FSTL4: variants seen among roughly 807,000 people sequenced by gnomAD.
FSTL4 encodes the protein follistatin-related protein 4.
FSTL4 carries 28 observed loss-of-function variants against 78.2 expected under a neutral mutation model. The observed-to-expected ratio is 0.36, with a 90% CI of 0.27 to 0.49. FSTL4 has a LOEUF of 0.49. Among genes scored for constraint, FSTL4 ranks in the 20% least tolerant of loss-of-function variants. FSTL4 has a pLI of 0.98. For missense variants in FSTL4, 922 were observed against 1,084.9 expected (o/e 0.85, Z 2.11); for synonymous variants, 422 against 440.5 (o/e 0.96, Z 0.53).
chr5:133,223,154 C>T (rs974006569), intron 11 of FSTL4, among the ~76,000 whole-genome samples: 2 of 152,218 alleles, frequency 1.3e-5, no homozygotes, highest in Non-Finnish European at 2.9e-5. Flanking sequence ...GACTGTGCAT[C>T]TCAGCCTAGA....
At chr5:133,477,936 A>G (rs1371061591) in intron 3 of FSTL4, among the ~76,000 whole-genome samples, 1 of 152,198 alleles carries the variant, frequency 6.6e-6, no homozygotes, top group Non-Finnish European at 1.5e-5. Context: ...CAATTACTGG[A>G]AAGTTCCCAT....
rs530948999 is a variant in FSTL4 at position 133,465,422 on chromosome 5, C to T, written c.161-64436G>A. Among the ~76,000 whole-genome samples the T allele has an allele frequency of 5.3e-5, 8 of 152,332 alleles. No individual in the cohort carries two copies. In the South Asian group the frequency reaches 1.0e-3, roughly 20 times the overall value. On this transcript the variant is annotated intron_variant, in intron 3 of 15. Coordinates refer to ENST00000265342, the MANE Select transcript of FSTL4 (RefSeq NM_015082.2). ...CTGTCTTGTATTATCTTGTTACTTT[C>T]CCCCCAAATAGAGAATAAGCTTCCT...
chr5:133,238,646 C>G (rs540048025), intron 7 of FSTL4, among the ~76,000 whole-genome samples: 1 of 152,324 alleles, frequency 6.6e-6, no homozygotes, highest in Non-Finnish European at 1.5e-5. Flanking sequence ...AGTGTGCACA[C>G]ATGGGGGAGG....
intron 3 of FSTL4, among the ~76,000 whole-genome samples, chr5:133,411,341 G>A (rs1217137449): frequency 6.6e-6 from 1 of 152,148 alleles, no homozygotes; most frequent in African/African-American, 2.4e-5. Context: ...CACAAAGAAG[G>A]CTTTTGGGGG....
the FSTL4 span, among the ~76,000 whole-genome samples, chr5:133,793,653 G>C: frequency 1.3e-5 from 2 of 152,204 alleles, no homozygotes; most frequent in African/African-American, 4.8e-5. Flanking sequence ...CACAGCAGCT[G>C]CTTAAGCAAA....
At chr5:133,270,907 A>G (rs1223834386) in intron 6 of FSTL4, among the ~76,000 whole-genome samples, 1 of 152,234 alleles carries the variant, frequency 6.6e-6, no homozygotes, top group Non-Finnish European at 1.5e-5. Context: ...ATAACTCACA[A>G]TGGGCCTCAG....
chr5:133,781,850 G>A, the FSTL4 span, among the ~76,000 whole-genome samples: 1 of 152,146 alleles, frequency 6.6e-6, no homozygotes, highest in Non-Finnish European at 1.5e-5. Flanking sequence ...GATTATCTGA[G>A]GCTATTGATA....
At chr5:133,233,185 ATGGCACTTGGATT>A (rs1751546034) in intron 8 of FSTL4, among the ~76,000 whole-genome samples, 1 of 152,250 alleles carries the variant, frequency 6.6e-6, no homozygotes, top group African/African-American at 2.4e-5. Flanking sequence ...GGCTCACGCC[ATGGCACTTGGATT>A]TGTTTCACCT....
At chr5:133,504,148 T>A (rs549660597) in intron 3 of FSTL4, among the ~76,000 whole-genome samples, 1 of 152,154 alleles carries the variant, frequency 6.6e-6, no homozygotes, top group South Asian at 2.1e-4. Flanking sequence ...CAATTCAAGA[T>A]GAGATTTGGG....
At chr5:133,694,962 C>T in the FSTL4 span, among the ~76,000 whole-genome samples, 11 of 152,252 alleles carry the variant, frequency 7.2e-5, no homozygotes, top group Middle Eastern at 6.8e-3. Flanking sequence ...GGGGTTAGGG[C>T]TTCAACATAC....
At chr5:133,666,918 T>A in the FSTL4 span, among the ~76,000 whole-genome samples, 1 of 152,240 alleles carries the variant, frequency 6.6e-6, no homozygotes, top group Non-Finnish European at 1.5e-5. Flanking sequence ...CTGAATTATA[T>A]TTTAGTCTAG....
the FSTL4 span, among the ~76,000 whole-genome samples, chr5:133,778,952 G>T: frequency 6.6e-6 from 1 of 152,212 alleles, no homozygotes; most frequent in East Asian, 1.9e-4. Flanking sequence ...TGGTAAAAAG[G>T]CACCAACAAG....
chr5:133,205,134 G>GTAGTC (rs2126764017), intron 14 of FSTL4, among the ~76,000 whole-genome samples: 1 of 152,294 alleles, frequency 6.6e-6, no homozygotes, highest in East Asian at 1.9e-4. Context: ...TTTTGGAGAA[G>GTAGTC]TAGTCTTTAT....
chr5:133,660,139 T>G, the FSTL4 span, among the ~76,000 whole-genome samples: 9 of 152,226 alleles, frequency 5.9e-5, no homozygotes, highest in African/African-American at 2.2e-4. Flanking sequence ...TTCTTTTGGT[T>G]GGGAAAACAT....
intron 14 of FSTL4, among the ~76,000 whole-genome samples, chr5:133,205,578 T>TA (rs1015698165): frequency 5.3e-5 from 8 of 152,296 alleles, no homozygotes; most frequent in Non-Finnish European, 1.0e-4. Flanking sequence ...TTTATTCCTT[T>TA]AAAAAAATCA....
chr5:133,392,985 G>A (rs547601854), intron 4 of FSTL4, among the ~76,000 whole-genome samples: 6 of 152,288 alleles, frequency 3.9e-5, no homozygotes, highest in East Asian at 3.9e-4. Flanking sequence ...GCACATTTGC[G>A]GGGTGCTCAC....
At chr5:133,813,098 A>G in the FSTL4 span, among the ~76,000 whole-genome samples, 1 of 152,212 alleles carries the variant, frequency 6.6e-6, no homozygotes, top group Admixed American at 6.5e-5. Flanking sequence ...CCACATGCCC[A>G]CACTCATCTC....
rs192079760 is a variant in FSTL4 at position 133,481,235 on chromosome 5, A to T, written c.161-80249T>A. Among the ~76,000 whole-genome samples, 240 of 152,250 alleles carry T rather than the reference A, an allele frequency of 1.6e-3. 3 individuals are homozygous for T. Among genetic ancestry groups the T allele is most frequent in the South Asian group, 1.9e-3 (9 of 4,822 alleles). ...ATTGCAAGTTTTATTTCTGAGACTG[A>T]TCATTCAAGAGCTATCAAGCATTGG... On this transcript the variant is annotated intron_variant, in intron 3 of 15. Coordinates refer to ENST00000265342, the MANE Select transcript of FSTL4 (RefSeq NM_015082.2).
At chr5:133,772,335 T>A in the FSTL4 span, among the ~76,000 whole-genome samples, 2 of 152,364 alleles carry the variant, frequency 1.3e-5, no homozygotes, top group East Asian at 3.9e-4. Context: ...ATGCAAATGT[T>A]GTAAAAATAA....
Sources: allele counts gnomAD v4.1 joint callset (sites outside exome capture counted in the v4.1 genomes callset), GRCh38; gene constraint gnomAD v4.1.1; transcripts MANE v1.5; gene names NCBI Gene and HGNC (gene_info 2026-07-23, HGNC 2026-07-21).